PRKN: variants seen among roughly 807,000 people sequenced by gnomAD.
The protein encoded by PRKN is E3 ubiquitin-protein ligase parkin.
A neutral mutation model predicts 59.5 loss-of-function variants in PRKN; 56 were observed. That is an observed-to-expected ratio of 0.94 (90% confidence interval 0.76 to 1.18). PRKN has a LOEUF of 1.18. PRKN is among the 50% of genes most tolerant of loss of function. The probability of loss-of-function intolerance (pLI) is 0.00; values close to 1 mark genes in which losing one functional copy is unlikely to be tolerated. For synonymous variants in PRKN, 250 were observed against 222.1 expected (o/e 1.13, Z -1.12); for missense variants, 657 against 596.4 (o/e 1.10, Z -1.06).
Position 161,680,759 on chromosome 6 carries a change from ATATATATATATATATATTTT to A in PRKN, c.871+104993_871+105012del, listed in dbSNP as rs1397983951. ...TATATATATATATATATATATATATATATATATATATATATATTTTTTTTTTTTTTTCTTTTCCTAAAACA... is the reference window on the plus strand; with the variant it reads ...TATATATATATATATATATATATATATTTTTTTTTTTCTTTTCCTAAAACA... On this transcript the variant is annotated intron_variant, in intron 7 of 11. Coordinates refer to ENST00000366898, the MANE Select transcript of PRKN (RefSeq NM_004562.3). 5.1e-3 allele frequency among the ~76,000 whole-genome samples: 58 copies of A among 11,446 alleles called. 3 individuals are homozygous for A. Among genetic ancestry groups the A allele is most frequent in the East Asian group, 0.022 (4 of 184 alleles). 7.5% of individuals were successfully genotyped at this position (11,446 alleles called of 152,430 possible). A position where few individuals can be genotyped will look rare whatever the true frequency, so the allele number is the denominator to read the frequency against.
At chr6:162,677,318 C>T (rs1779591558) in intron 1 of PRKN, among the ~76,000 whole-genome samples, 1 of 151,836 alleles carries the variant, frequency 6.6e-6, no homozygotes. Flanking sequence ...AGGACCATAA[C>T]AGCTGAGCTA....
intron 4 of PRKN, among the ~76,000 whole-genome samples, chr6:162,096,514 G>T (rs1274754503): frequency 6.6e-6 from 1 of 152,148 alleles, no homozygotes; most frequent in African/African-American, 2.4e-5. Flanking sequence ...ATCTCATCCT[G>T]AATTGTAGCT....
At chr6:161,992,371 T>C (rs901715610) in intron 5 of PRKN, among the ~76,000 whole-genome samples, 2 of 152,042 alleles carry the variant, frequency 1.3e-5, no homozygotes, top group African/African-American at 4.8e-5. Flanking sequence ...AAGAAGATCA[T>C]CATATAATGA....
chr6:162,274,201 A>C (rs1009186077), intron 2 of PRKN, among the ~76,000 whole-genome samples: 1 of 150,706 alleles, frequency 6.6e-6, no homozygotes, highest in Admixed American at 6.6e-5. Context: ...TTATTTATTT[A>C]TTTTGTGAGA....
intron 2 of PRKN, among the ~76,000 whole-genome samples, chr6:162,338,917 T>C (rs1464500379): frequency 7.4e-6 from 1 of 135,486 alleles, no homozygotes; most frequent in South Asian, 2.6e-4. Context: ...CCATCTGGGA[T>C]GTGAGGAGCG....
Position 161,369,015 on chromosome 6 carries a change from C to T in PRKN, c.1168-8810G>A, listed in dbSNP as rs1413161111. On this transcript the variant is annotated intron_variant, in intron 10 of 11. Coordinates refer to ENST00000366898, the MANE Select transcript of PRKN (RefSeq NM_004562.3). This position sits in a 1 kb window ranked among gnomAD's most constrained non-coding sequence, Gnocchi z 5.8. The stretch of plus-strand genomic sequence containing the variant: ...CCAGACCCAGTGACTGCTGCCACTG[C>T]TGCCAGCCCCAGGGACCTGGGGGGC... Among the ~76,000 whole-genome samples the T allele has an allele frequency of 6.6e-6, 1 of 152,198 alleles. No homozygotes were observed. The highest frequency in any genetic ancestry group is 1.5e-5 in the Non-Finnish European group (1 of 68,032).
At chr6:161,833,023 A>T (rs998135750) in intron 6 of PRKN, among the ~76,000 whole-genome samples, 4 of 152,122 alleles carry the variant, frequency 2.6e-5, no homozygotes, top group Admixed American at 6.5e-5. Flanking sequence ...AGTCAATAGG[A>T]AGCCTCATGA....
At chr6:161,758,306 G>A (rs1232388589) in intron 7 of PRKN, among the ~76,000 whole-genome samples, 1 of 152,142 alleles carries the variant, frequency 6.6e-6, no homozygotes, top group East Asian at 1.9e-4. Flanking sequence ...GTAATGCCTG[G>A]CAACTGGAAA....
intron 2 of PRKN, among the ~76,000 whole-genome samples, chr6:162,376,794 GA>G (rs1397456188): frequency 3.3e-5 from 3 of 90,862 alleles, no homozygotes; most frequent in African/African-American, 1.3e-4. Context: ...AGGGGAGGAG[GA>G]GAGAGAGAGG....
At chr6:162,502,541 T>C (rs1793422569) in intron 1 of PRKN, among the ~76,000 whole-genome samples, 1 of 152,148 alleles carries the variant, frequency 6.6e-6, no homozygotes, top group South Asian at 2.1e-4. Context: ...TCATGCGATA[T>C]GTCTAAAGCA....
At chr6:162,335,389 C>T (rs1181375164) in intron 2 of PRKN, among the ~76,000 whole-genome samples, 1 of 152,074 alleles carries the variant, frequency 6.6e-6, no homozygotes, top group Non-Finnish European at 1.5e-5. Flanking sequence ...TAATAGACTA[C>T]ATTACAGTGT....
intron 7 of PRKN, among the ~76,000 whole-genome samples, chr6:161,597,236 C>T (rs1233048853): frequency 1.3e-5 from 2 of 152,186 alleles, no homozygotes; most frequent in Non-Finnish European, 2.9e-5. Flanking sequence ...AGAGCCCTCA[C>T]CTGCCAACCT....
At chr6:162,398,285 CCA>C (rs1306620080) in intron 2 of PRKN, among the ~76,000 whole-genome samples, 2 of 152,176 alleles carry the variant, frequency 1.3e-5, no homozygotes, top group African/African-American at 4.8e-5. Context: ...CTTCATTTTT[CCA>C]CAGTTATTAT....
intron 11 of PRKN, among the ~76,000 whole-genome samples, chr6:161,351,123 T>C (rs1422299613): frequency 7.9e-6 from 1 of 127,240 alleles, no homozygotes; most frequent in Non-Finnish European, 1.6e-5. Flanking sequence ...TATATAAATA[T>C]ATTTTTATAT....
chr6:161,412,751 T>C (rs1217070126), intron 9 of PRKN, among the ~76,000 whole-genome samples: 1 of 150,012 alleles, frequency 6.7e-6, no homozygotes, highest in African/African-American at 2.5e-5. Flanking sequence ...CACTCACTCA[T>C]TCCTTCCTCA....
intron 5 of PRKN, among the ~76,000 whole-genome samples, chr6:162,011,641 G>A (rs1782723219): frequency 1.4e-5 from 2 of 146,640 alleles, no homozygotes; most frequent in Non-Finnish European, 3.0e-5. Context: ...CATCTTTATT[G>A]TTACAGCAAA....
chr6:161,732,074 G>A (rs563852347), intron 7 of PRKN, among the ~76,000 whole-genome samples: 1 of 149,558 alleles, frequency 6.7e-6, no homozygotes, highest in Non-Finnish European at 1.5e-5. Context: ...TACCCAACAG[G>A]TACTTTTTCT....
intron 11 of PRKN, among the ~76,000 whole-genome samples, chr6:161,351,555 C>T (rs915699412): frequency 1.3e-5 from 2 of 152,042 alleles, no homozygotes; most frequent in African/African-American, 4.8e-5. Context: ...AAACTCCTGA[C>T]CTCAAGTCAT....
chr6:161,975,561 C>T (rs1780995269), intron 5 of PRKN, among the ~76,000 whole-genome samples: 4 of 152,180 alleles, frequency 2.6e-5, no homozygotes, highest in Non-Finnish European at 5.9e-5. Flanking sequence ...ACATGTGACA[C>T]CATGAGCAAC....
Sources: allele counts gnomAD v4.1 joint callset (sites outside exome capture counted in the v4.1 genomes callset), GRCh38; gene constraint gnomAD v4.1.1; non-coding constraint Gnocchi (gnomAD v3.1); transcripts MANE v1.5; gene names NCBI Gene and HGNC (gene_info 2026-07-23, HGNC 2026-07-21).